LMBR1: variants seen among roughly 807,000 people sequenced by gnomAD.
The protein encoded by LMBR1 is limb development membrane protein 1, also known as limb region 1 protein homolog.
A neutral mutation model predicts 73.9 loss-of-function variants in LMBR1; 52 were observed. The observed-to-expected ratio is 0.70, with a 90% CI of 0.56 to 0.89. The LOEUF (loss-of-function observed/expected upper bound fraction) is 0.89, where lower values mean the gene tolerates loss of function less well. Among genes scored for constraint, LMBR1 ranks in the 40% least tolerant of loss-of-function variants. The pLI, the probability that LMBR1 is intolerant of heterozygous loss-of-function variation, is 0.00. For synonymous variants in LMBR1, 215 were observed against 209.4 expected (o/e 1.03, Z -0.23); for missense variants, 539 against 579.8 (o/e 0.93, Z 0.72).
intron 15 of LMBR1, among the ~76,000 whole-genome samples, chr7:156,712,292 A>T (rs1448238304): frequency 5.9e-5 from 9 of 152,232 alleles, no homozygotes; most frequent in Non-Finnish European, 1.3e-4. Context: ...AGAAATGCAA[A>T]TTAAGAACAC....
chr7:156,760,530 T>C (rs1238018256), intron 8 of LMBR1, among the ~76,000 whole-genome samples: 1 of 151,900 alleles, frequency 6.6e-6, no homozygotes, highest in Non-Finnish European at 1.5e-5. Context: ...TAGTTAGGGG[T>C]CAGGAAGCAG....
At chr7:156,701,957 C>G (rs1467201485) in intron 15 of LMBR1, among the ~76,000 whole-genome samples, 1 of 152,164 alleles carries the variant, frequency 6.6e-6, no homozygotes, top group Non-Finnish European at 1.5e-5. Context: ...AGGACATGAT[C>G]TTGTTCCTTT....
intron 15 of LMBR1, among the ~76,000 whole-genome samples, chr7:156,691,597 G>A (rs1424651478): frequency 6.6e-6 from 1 of 152,094 alleles, no homozygotes; most frequent in African/African-American, 2.4e-5. Flanking sequence ...AGTTAAGAGA[G>A]AGTTTATAAA....
intron 4 of LMBR1, among the ~76,000 whole-genome samples, chr7:156,818,087 A>G (rs1834208704): frequency 6.6e-6 from 1 of 152,218 alleles, no homozygotes. Flanking sequence ...TTAGTGAACA[A>G]CAGTACATTA....
Position 156,725,490 on chromosome 7 carries a change from C to A in LMBR1, c.1103G>T (p.Ser368Ile). 6.2e-7 allele frequency: 1 copy of A among 1,610,110 alleles called. No individual in the cohort carries two copies. Among genetic ancestry groups the A allele is most frequent in the Non-Finnish European group, 8.5e-7 (1 of 1,177,702 alleles). Residue 368 changes from serine (S) to isoleucine (I), a missense_variant, in exon 14 of 17, where the codon AGC (serine) becomes ATC (isoleucine). Around this residue, in one of 3 missense-constraint regions of LMBR1, gnomAD observed 454 missense variants for 473.4 expected, o/e 0.96. Coordinates refer to ENST00000353442, the MANE Select transcript of LMBR1 (RefSeq NM_022458.4). ...AGTAAAGTTTCCAAAAAATCGAAGG[C>A]TATAGAAGCCGACAACAGAGGACAC... Reference protein sequence around the residue: ...LMVSSVVGFYSLRFFGNFTPK... With the variant: ...LMVSSVVGFYILRFFGNFTPK...
chr7:156,703,882 G>C (rs988794224), intron 15 of LMBR1, among the ~76,000 whole-genome samples: 2 of 152,096 alleles, frequency 1.3e-5, no homozygotes, highest in Admixed American at 1.3e-4. Context: ...AAAGAGGCTG[G>C]GCACAAATCC....
intron 7 of LMBR1, among the ~76,000 whole-genome samples, chr7:156,762,521 G>T (rs1464592162): frequency 6.6e-6 from 1 of 152,118 alleles, no homozygotes; most frequent in Non-Finnish European, 1.5e-5. Context: ...AATTAGCAAA[G>T]AACAGGTTAA....
At chr7:156,863,203 G>A (rs981858125) in intron 1 of LMBR1, among the ~76,000 whole-genome samples, 8 of 152,068 alleles carry the variant, frequency 5.3e-5, no homozygotes, top group East Asian at 1.9e-4. Context: ...ACAATAGGCC[G>A]TCTGAAAGCT....
intron 15 of LMBR1, among the ~76,000 whole-genome samples, chr7:156,699,480 AG>A (rs1316190598): frequency 7.3e-5 from 11 of 151,724 alleles, no homozygotes; most frequent in Non-Finnish European, 1.2e-4. Context: ...AATACCATTC[AG>A]GACATAGGCA....
chr7:156,892,672 A>AG (rs1444271950), intron 1 of LMBR1: 3 of 243,660 alleles, frequency 1.2e-5, no homozygotes, highest in Non-Finnish European at 2.2e-5. Context: ...AGGGAGCGCG[A>AG]GGGGGCAGGG....
chr7:156,824,137 TAC>T (rs200228921), intron 4 of LMBR1, among the ~76,000 whole-genome samples: 4 of 146,790 alleles, frequency 2.7e-5, no homozygotes, highest in Non-Finnish European at 4.6e-5. Flanking sequence ...AATATATATA[TAC>T]ACACGCGCGC....
intron 1 of LMBR1, among the ~76,000 whole-genome samples, chr7:156,838,949 T>C (rs1838149600): frequency 6.6e-6 from 1 of 152,180 alleles, no homozygotes; most frequent in South Asian, 2.1e-4. Context: ...TGGTTTTGAC[T>C]TATATGTCCC....
chr7:156,848,947 G>GCAAAA (rs1308499660), intron 1 of LMBR1, among the ~76,000 whole-genome samples: 50 of 132,330 alleles, frequency 3.8e-4, no homozygotes, highest in African/African-American at 1.2e-3. Context: ...AAAAAAAAAA[G>GCAAAA]CAAAACAAAA....
chr7:156,732,087 C>T (rs1205893663), intron 10 of LMBR1, among the ~76,000 whole-genome samples: 1 of 151,810 alleles, frequency 6.6e-6, no homozygotes, highest in Non-Finnish European at 1.5e-5. Context: ...AAATGAACAT[C>T]GTATTTGATT....
Position 156,893,127 on chromosome 7 carries a change from T to C in LMBR1, c.-134A>G. ...GGCCCGCGAGCCGTGTTGGAACAGGTACCGCGACCACGACACCGGCCGTCG... is the reference window on the plus strand; with the variant it reads ...GGCCCGCGAGCCGTGTTGGAACAGGCACCGCGACCACGACACCGGCCGTCG... On this transcript the variant is annotated 5_prime_UTR_variant, in exon 1 of 17. Transcript: ENST00000353442. The C allele has an allele frequency of 1.2e-6, 1 of 828,120 alleles. No homozygotes were observed. Among genetic ancestry groups the C allele is most frequent in the South Asian group, 3.5e-5 (1 of 28,968 alleles). 51.3% of individuals were successfully genotyped at this position (828,120 alleles called of 1,614,324 possible). A position where few individuals can be genotyped will look rare whatever the true frequency, so the allele number is the denominator to read the frequency against.
intron 5 of LMBR1, among the ~76,000 whole-genome samples, chr7:156,784,234 G>C (rs1563351522): frequency 6.6e-6 from 1 of 152,084 alleles, no homozygotes; most frequent in African/African-American, 2.4e-5. Flanking sequence ...GCCTCTCACG[G>C]TGTTGGCTTT....
rs1183835075 is a variant in LMBR1, at chr7:156,824,864, G to A, written c.319+1741C>T. Among the ~76,000 whole-genome samples, 10 of 149,010 alleles carry A rather than the reference G, an allele frequency of 6.7e-5. No individual in the cohort carries two copies. The East Asian group carries it at 1.4e-3, about 21-fold the overall frequency. ...TGTCTCAATAAAAAAAAAAAAAAAAGTGATGTTTTCCAAGTGGAAAATGCC... is the reference window on the plus strand; with the variant it reads ...TGTCTCAATAAAAAAAAAAAAAAAAATGATGTTTTCCAAGTGGAAAATGCC... On this transcript the variant is annotated intron_variant, in intron 4 of 16. Transcript: ENST00000353442.
intron 9 of LMBR1, among the ~76,000 whole-genome samples, chr7:156,738,982 T>C (rs912231763): frequency 6.6e-6 from 1 of 152,150 alleles, no homozygotes; most frequent in African/African-American, 2.4e-5. Context: ...GCAGCTTAGG[T>C]ACTAGCTTGG....
intron 4 of LMBR1, among the ~76,000 whole-genome samples, chr7:156,804,296 T>C (rs1831591634): frequency 6.6e-6 from 1 of 152,244 alleles, no homozygotes; most frequent in South Asian, 2.1e-4. Flanking sequence ...TCCATTCACC[T>C]GCAAACAATC....
Sources: gnomAD v4.1 joint callset for allele counts (sites outside exome capture counted in the v4.1 genomes callset) on GRCh38, gnomAD v4.1.1 for gene constraint, gnomAD v4.1.1 regional missense constraint, MANE v1.5 for transcripts, NCBI Gene and HGNC (gene_info 2026-07-23, HGNC 2026-07-21) for gene names.